The following MPPED2 variants were observed in gnomAD, a reference collection of about 807,000 sequenced individuals.
The protein encoded by MPPED2 is metallophosphoesterase MPPED2.
MPPED2 carries 5 observed loss-of-function variants against 33.0 expected under a neutral mutation model. The observed-to-expected ratio is 0.15, with a 90% CI of 0.08 to 0.32. The LOEUF is 0.32. Among genes scored for constraint, MPPED2 ranks in the 10% least tolerant of loss-of-function variants. The pLI is 1.00. For missense variants in MPPED2, 275 were observed against 372.1 expected, an observed-to-expected ratio of 0.74 and a Z score of 2.15; for synonymous variants, 136 against 141.9, an observed-to-expected ratio of 0.96 and a Z score of 0.29.
At chr11:30,581,671 C>T (rs1957174514) in intron 1 of MPPED2, among the ~76,000 whole-genome samples, 1 of 152,200 alleles carries the variant, frequency 6.6e-6, no homozygotes, top group African/African-American at 2.4e-5. Flanking sequence ...GAGCAAAAGG[C>T]AGATGGCCTG....
chr11:30,481,187 C>T (rs1199758328), intron 4 of MPPED2, among the ~76,000 whole-genome samples: 1 of 152,062 alleles, frequency 6.6e-6, no homozygotes, highest in Non-Finnish European at 1.5e-5. Context: ...TGACACCATG[C>T]TTCTAGACTA....
intron 4 of MPPED2, among the ~76,000 whole-genome samples, chr11:30,417,992 G>A (rs1008173408): frequency 6.6e-6 from 1 of 152,092 alleles, no homozygotes; most frequent in Admixed American, 6.5e-5. Flanking sequence ...GCATCTCACA[G>A]CTAAGAAATT....
intron 2 of MPPED2, among the ~76,000 whole-genome samples, chr11:30,565,191 C>T (rs1034783681): frequency 5.9e-5 from 9 of 152,152 alleles, no homozygotes; most frequent in African/African-American, 2.2e-4. Flanking sequence ...AGATAATTTA[C>T]ACTTGTTTTT....
At chr11:30,390,463 A>G (rs1200201324) in intron 6 of MPPED2, among the ~76,000 whole-genome samples, 3 of 152,250 alleles carry the variant, frequency 2.0e-5, no homozygotes, top group East Asian at 3.8e-4. Context: ...CAAAGTATAA[A>G]AAAGCCCTGA....
At chr11:30,442,706 C>CA (rs1344751692) in intron 4 of MPPED2, among the ~76,000 whole-genome samples, 2 of 151,786 alleles carry the variant, frequency 1.3e-5, no homozygotes, top group African/African-American at 2.4e-5. Flanking sequence ...GGGCTCTTTT[C>CA]AAAAAAAAGT....
At chr11:30,507,418 C>T (rs1263654797) in intron 3 of MPPED2, among the ~76,000 whole-genome samples, 1 of 152,220 alleles carries the variant, frequency 6.6e-6, no homozygotes, top group African/African-American at 2.4e-5. Flanking sequence ...TTACCTTGCA[C>T]ACACATCCTA....
intron 3 of MPPED2, among the ~76,000 whole-genome samples, chr11:30,510,305 C>CTG (rs1376293906): frequency 2.6e-5 from 4 of 152,126 alleles, no homozygotes; most frequent in African/African-American, 9.7e-5. Flanking sequence ...TGTCTAGCTA[C>CTG]TGTTCTTCCA....
intron 5 of MPPED2, among the ~76,000 whole-genome samples, chr11:30,416,278 C>G (rs554519108): frequency 2.0e-5 from 3 of 152,326 alleles, no homozygotes; most frequent in East Asian, 3.9e-4. Flanking sequence ...CTTGCTTCCC[C>G]CATCACTAAA....
chr11:30,533,660 T>C (rs1954656800), intron 3 of MPPED2, among the ~76,000 whole-genome samples: 2 of 152,114 alleles, frequency 1.3e-5, no homozygotes, highest in South Asian at 4.2e-4. Flanking sequence ...AACAGTGAGC[T>C]ATTCTTGGCC....
At chr11:30,426,300 T>C (rs1313593973) in intron 4 of MPPED2, among the ~76,000 whole-genome samples, 1 of 152,236 alleles carries the variant, frequency 6.6e-6, no homozygotes, top group Non-Finnish European at 1.5e-5. Flanking sequence ...TGCATAATGT[T>C]GTCAAGGTTC....
chr11:30,525,961 A>C (rs1038737717), intron 3 of MPPED2, among the ~76,000 whole-genome samples: 1 of 152,176 alleles, frequency 6.6e-6, no homozygotes, highest in Non-Finnish European at 1.5e-5. Flanking sequence ...ATCCAATCTT[A>C]CTTATTTGAG....
At chr11:30,544,884 T>C (rs1955326525) in intron 2 of MPPED2, among the ~76,000 whole-genome samples, 5 of 152,100 alleles carry the variant, frequency 3.3e-5, no homozygotes, top group Admixed American at 3.3e-4. Context: ...AAAAGACGCA[T>C]GAGAGTGGCC....
intron 4 of MPPED2, among the ~76,000 whole-genome samples, chr11:30,467,983 C>A (rs1023752779): frequency 3.5e-5 from 5 of 141,108 alleles, no homozygotes. Flanking sequence ...AATGGACCAA[C>A]AACCACATCC....
At chr11:30,467,810 T>A (rs1950774648) in intron 4 of MPPED2, among the ~76,000 whole-genome samples, 1 of 152,104 alleles carries the variant, frequency 6.6e-6, no homozygotes, top group African/African-American at 2.4e-5. Flanking sequence ...TGGTGCAGAG[T>A]TATTGCTCAC....
intron 3 of MPPED2, among the ~76,000 whole-genome samples, chr11:30,509,580 C>T (rs756356886): frequency 7.9e-5 from 12 of 152,170 alleles, no homozygotes; most frequent in African/African-American, 1.2e-4. Flanking sequence ...AATGAGCCTA[C>T]TGCCTAGGCC....
At chr11:30,547,253 G>C (rs1290805855) in intron 2 of MPPED2, among the ~76,000 whole-genome samples, 1 of 152,170 alleles carries the variant, frequency 6.6e-6, no homozygotes, top group Non-Finnish European at 1.5e-5. Flanking sequence ...GGCATGTCCA[G>C]AACTCTTTCA....
At chr11:30,466,023 C>G (rs1225321031) in intron 4 of MPPED2, among the ~76,000 whole-genome samples, 1 of 152,212 alleles carries the variant, frequency 6.6e-6, no homozygotes, top group African/African-American at 2.4e-5. Context: ...GTGCACAGCA[C>G]TTCTCAGTGC....
chr11:30,449,444 G>C (rs1590315420), intron 4 of MPPED2, among the ~76,000 whole-genome samples: 1 of 152,112 alleles, frequency 6.6e-6, no homozygotes. Context: ...CCCAGGAGTT[G>C]AAGACCAGAG....
chr11:30,580,482 C>A lies in MPPED2; in HGVS notation c.-109G>T. The A allele has an allele frequency of 6.8e-7, 1 of 1,477,218 alleles. No homozygotes were observed. The highest frequency in any genetic ancestry group is 9.0e-7 in the Non-Finnish European group (1 of 1,110,270). 91.5% of individuals were successfully genotyped at this position (1,477,218 alleles called of 1,614,324 possible). On this transcript the variant is annotated 5_prime_UTR_variant, in exon 2 of 7. Coordinates refer to ENST00000358117, the MANE Select transcript of MPPED2 (RefSeq NM_001584.3). ...GAATCCAAGGATCTACTCATCAATACCGCTGTGCATTTCTGAAAGAAAAAA... is the reference window on the plus strand; with the variant it reads ...GAATCCAAGGATCTACTCATCAATAACGCTGTGCATTTCTGAAAGAAAAAA...
Sources: gnomAD v4.1 joint callset for allele counts (sites outside exome capture counted in the v4.1 genomes callset) on GRCh38, gnomAD v4.1.1 for gene constraint, MANE v1.5 for transcripts, NCBI Gene and HGNC (gene_info 2026-07-23, HGNC 2026-07-21) for gene names.